PRKDC: variants seen among roughly 807,000 people sequenced by gnomAD.
PRKDC encodes protein kinase, DNA-activated, catalytic subunit.
PRKDC carries 82 observed loss-of-function variants against 486.9 expected under a neutral mutation model. The ratio of observed to expected loss-of-function variants is 0.17; its 90% confidence interval spans 0.14 to 0.20. The LOEUF (loss-of-function observed/expected upper bound fraction) is 0.20. PRKDC is among the 10% of genes least tolerant of loss of function. The probability of loss-of-function intolerance (pLI) is 1.00; values close to 1 mark genes in which losing one functional copy is unlikely to be tolerated. For synonymous variants in PRKDC, 1,895 were observed against 1,837.0 expected (o/e 1.03, Z -0.81); for missense variants, 4,504 against 5,038.2 (o/e 0.89, Z 3.21).
At chr8:47,950,272 CAAA>C (rs200893278) in intron 7 of PRKDC, among the ~76,000 whole-genome samples, 6 of 76,754 alleles carry the variant, frequency 7.8e-5, no homozygotes, top group Admixed American at 2.9e-4. Flanking sequence ...AACTCTGTCT[CAAA>C]AAAAAAAAAA....
chr8:47,839,301 T>A, intron 55 of PRKDC, 55 bp from the exon 56 acceptor site: 1 of 1,240,140 alleles, frequency 8.1e-7, no homozygotes, highest in Non-Finnish European at 1.2e-6. Context: ...CTGGCCCTTT[T>A]GTTCAACTAC....
At chr8:47,836,576 G>T (rs186920211) in intron 57 of PRKDC, 49 bp from the exon 58 acceptor site, 218 of 1,464,610 alleles carry the variant, frequency 1.5e-4, no homozygotes, top group Admixed American at 1.8e-4. Context: ...ATGAAATAAT[G>T]CTCCTTTTTT....
Position 47,773,912 on chromosome 8 carries a change from A to C in PRKDC, c.*261T>G. On this transcript the variant is annotated 3_prime_UTR_variant, in exon 86 of 86. Coordinates refer to ENST00000314191, the MANE Select transcript of PRKDC (RefSeq NM_006904.7). ...AAGCTGATCACATATTATATTCTTG[A>C]CTTAATACTTTGGTAAGCCTGGATA... The C allele has an allele frequency of 2.6e-6, 1 of 381,024 alleles. No homozygotes were observed. The highest frequency in any genetic ancestry group is 4.7e-6 in the Non-Finnish European group (1 of 212,166). 23.6% of individuals were successfully genotyped at this position (381,024 alleles called of 1,614,324 possible).
chr8:47,871,018 A>G (rs2154501010), intron 40 of PRKDC, among the ~76,000 whole-genome samples: 1 of 152,314 alleles, frequency 6.6e-6, no homozygotes, highest in South Asian at 2.1e-4. Context: ...TAGGCAGGCT[A>G]TTTGAAAATA....
chr8:47,798,308 A>C lies in PRKDC; in HGVS notation c.10387T>G (p.Leu3463Val), dbSNP rs1240847102. The stretch of plus-strand genomic sequence containing the variant: ...ATCTGAAGTAATCTAGGAAACTTCA[A>C]TCTGGCTTCATTGGAATTTAATTTT... The part of the protein sequence containing the change: ...ALKLNSNEAR[L>V]KFPRLLQIIE... The change falls in exon 73 of 86, where the codon TTG becomes GTG. Residue 3463 changes from leucine (L) to valine (V), a missense_variant. Leu to Val is a conservative substitution (Grantham distance 32, BLOSUM62 1). This residue lies in a region of PRKDC where 706 missense variants were observed against 945.0 expected (regional missense o/e 0.75). Transcript: ENST00000314191. 2.5e-6 allele frequency: 4 copies of C among 1,613,800 alleles called. No homozygotes were observed. The highest frequency in any genetic ancestry group is 3.4e-6 in the Non-Finnish European group (4 of 1,179,806).
chr8:47,774,340 A>C lies in PRKDC; in HGVS notation c.12220T>G (p.Phe4074Val). The change falls in exon 86 of 86, where the codon TTC becomes GTC. Residue 4074 changes from phenylalanine (F) to valine (V), a missense_variant. Physicochemically the swap from Phe to Val is conservative, Grantham distance 50. Coordinates refer to ENST00000314191, the MANE Select transcript of PRKDC (RefSeq NM_006904.7). ...CGTGCCACAGCCACATAGTCTCTGA[A>C]GGCAGGGGCCTTCTCATGACCCAGG... ...LLLGHEKAPA[F>V]RDYVAVARGS... 1 of 1,613,496 alleles carries C rather than the reference A, an allele frequency of 6.2e-7. No homozygotes were observed. Among genetic ancestry groups the C allele is most frequent in the Non-Finnish European group, 8.5e-7 (1 of 1,179,824 alleles).
chr8:47,917,337 A>G (rs770879441), intron 22 of PRKDC, among the ~76,000 whole-genome samples: 18 of 152,212 alleles, frequency 1.2e-4, no homozygotes, highest in Non-Finnish European at 2.5e-4. Flanking sequence ...CTGTGCCATA[A>G]AATTATAAAA....
intron 69 of PRKDC, 124 bp downstream of exon 69, chr8:47,807,013 G>C (rs1400235156): frequency 4.0e-5 from 41 of 1,018,702 alleles, no homozygotes; most frequent in Non-Finnish European, 5.4e-5. Context: ...CTTATAAAGA[G>C]AGAAAAAAAA....
At chr8:47,833,025 G>A (rs2087925065) in intron 59 of PRKDC, among the ~76,000 whole-genome samples, 1 of 152,108 alleles carries the variant, frequency 6.6e-6, no homozygotes, top group South Asian at 2.1e-4. Context: ...CAGCACTCCC[G>A]CCAGACCACC....
chr8:47,879,710 C>T (rs2089169214), intron 38 of PRKDC, 52 bp from the exon 39 acceptor site: 2 of 1,380,612 alleles, frequency 1.4e-6, no homozygotes, highest in Non-Finnish European at 9.6e-7. Flanking sequence ...CTTATATATC[C>T]TACAGAATAA....
intron 14 of PRKDC, 48 bp downstream of exon 14, chr8:47,934,961 T>C (rs919948086): frequency 1.4e-6 from 2 of 1,386,964 alleles, no homozygotes; most frequent in Admixed American, 2.5e-5. Flanking sequence ...CATTCCTAGC[T>C]TTCAGTGATA....
chr8:47,795,802 C>T (rs1302361696), intron 73 of PRKDC, among the ~76,000 whole-genome samples: 2 of 150,542 alleles, frequency 1.3e-5, no homozygotes, highest in East Asian at 2.0e-4. Flanking sequence ...CCCCTGTACA[C>T]GTAACTCTTT....
At position 47,877,664 on chromosome 8, in the gene PRKDC, T is replaced by C. The variant is rs973028198; in HGVS notation, c.5363+60A>G. On this transcript the variant is annotated intron_variant, in intron 40 of 85. Coordinates refer to ENST00000314191, the MANE Select transcript of PRKDC (RefSeq NM_006904.7). ...AGCTTTTTTTTTGGAACAGAGAGGATAATTTCCCACAAAACTGAAATGCGT... is the reference window on the plus strand; with the variant it reads ...AGCTTTTTTTTTGGAACAGAGAGGACAATTTCCCACAAAACTGAAATGCGT... 3 of 1,408,572 alleles carry C rather than the reference T, an allele frequency of 2.1e-6. No individual in the cohort carries two copies. The Middle Eastern group carries it at 5.6e-4, about 263-fold the overall frequency. 87.3% of individuals were successfully genotyped at this position (1,408,572 alleles called of 1,614,324 possible).
chr8:47,888,757 T>C (rs2089391018), intron 33 of PRKDC, 107 bp from the exon 34 acceptor site: 2 of 1,390,818 alleles, frequency 1.4e-6, no homozygotes, highest in Non-Finnish European at 1.9e-6. Context: ...AGAGGCAACA[T>C]CTAACAGGAT....
intron 56 of PRKDC, among the ~76,000 whole-genome samples, chr8:47,838,480 G>A (rs1037538077): frequency 2.1e-4 from 32 of 151,812 alleles, no homozygotes; most frequent in African/African-American, 6.5e-4. Context: ...GCCTGTTGGC[G>A]TTATGCCTGT....
At position 47,893,406 on chromosome 8, in the gene PRKDC, T is replaced by C. The variant is rs370816066; in HGVS notation, c.3599-19A>G. 2.7e-6 allele frequency: 4 copies of C among 1,485,260 alleles called. No individual in the cohort carries two copies. Among genetic ancestry groups the C allele is most frequent in the Non-Finnish European group, 3.6e-6 (4 of 1,113,140 alleles). 92.0% of individuals were successfully genotyped at this position (1,485,260 alleles called of 1,614,324 possible). A position where few individuals can be genotyped will look rare whatever the true frequency, so the allele number is the denominator to read the frequency against. On this transcript the variant is annotated intron_variant, in intron 30 of 85. Coordinates refer to ENST00000314191, the MANE Select transcript of PRKDC (RefSeq NM_006904.7). ...CTGTTGCCTTTAAAAAGAAACAAAA[T>C]TAAAATGCACACATATACCTACATT...
At chr8:47,858,116 C>T (rs1347894068) in intron 48 of PRKDC, among the ~76,000 whole-genome samples, 3 of 152,150 alleles carry the variant, frequency 2.0e-5, no homozygotes, top group Non-Finnish European at 2.9e-5. Flanking sequence ...TCCTACCTCA[C>T]GAACTCAGCA....
intron 52 of PRKDC, 103 bp from the exon 53 acceptor site, chr8:47,849,606 C>T (rs1369343474): frequency 3.0e-6 from 4 of 1,322,320 alleles, no homozygotes; most frequent in South Asian, 1.4e-5. Flanking sequence ...AACAAAGGTG[C>T]TCAATGTTGT....
intron 65 of PRKDC, 121 bp downstream of exon 65, chr8:47,821,483 C>T (rs2087594145): frequency 8.9e-6 from 8 of 899,620 alleles, no homozygotes; most frequent in South Asian, 7.7e-5. Flanking sequence ...GGACTCAGGT[C>T]ATGCAATTCC....
Sources: allele counts gnomAD v4.1 joint callset (sites outside exome capture counted in the v4.1 genomes callset), GRCh38; gene constraint gnomAD v4.1.1; regional missense constraint gnomAD v4.1.1; transcripts MANE v1.5; gene names NCBI Gene and HGNC (gene_info 2026-07-23, HGNC 2026-07-21).